Variants in SIAH3 observed in about 807,000 individuals in gnomAD.
The protein encoded by SIAH3 is siah E3 ubiquitin protein ligase family member 3.
A neutral mutation model predicts 12.6 loss-of-function variants in SIAH3; 9 were observed. The ratio of observed to expected loss-of-function variants is 0.72; its 90% CI spans 0.43 to 1.25. The LOEUF is 1.25. SIAH3 is among the 50% of genes most tolerant of loss of function. SIAH3 has a pLI of 0.00. For synonymous variants in SIAH3, 154 were observed against 151.1 expected, an observed-to-expected ratio of 1.02 and a Z score of -0.14; for missense variants, 390 against 365.4, an observed-to-expected ratio of 1.07 and a Z score of -0.55.
At chr13:45,789,931 T>C (rs537696453) in intron 1 of SIAH3, among the ~76,000 whole-genome samples, 2 of 152,304 alleles carry the variant, frequency 1.3e-5, no homozygotes, top group African/African-American at 4.8e-5. Context: ...TTAATCAGCA[T>C]AATAGATGCT....
chr13:45,815,345 A>G (rs1950630613), intron 1 of SIAH3, among the ~76,000 whole-genome samples: 1 of 151,842 alleles, frequency 6.6e-6, no homozygotes, highest in Non-Finnish European at 1.5e-5. Flanking sequence ...GTTGAAGGCT[A>G]AAGAGAAAAC....
chr13:45,792,168 A>G lies in SIAH3; in HGVS notation c.136-8111T>C, dbSNP rs535694956. Reference sequence around the variant, plus strand: ...TCCATCTTCTGGAAGGCAGACCATTAGATGTGAGGTATGGCCAATGGGTGA... The same window carrying G: ...TCCATCTTCTGGAAGGCAGACCATTGGATGTGAGGTATGGCCAATGGGTGA... On this transcript the variant is annotated intron_variant, in intron 1 of 1. Transcript: ENST00000400405. 7.2e-5 allele frequency among the ~76,000 whole-genome samples: 11 copies of G among 152,164 alleles called. 1 individual carries two copies. In the East Asian group the frequency reaches 2.1e-3, roughly 29 times the overall value.
At chr13:45,817,645 A>T (rs1593382623) in intron 1 of SIAH3, among the ~76,000 whole-genome samples, 1 of 158 alleles carries the variant, frequency 6.3e-3, no homozygotes, top group Non-Finnish European at 0.011. Context: ...GAAAGATGTG[A>T]AGGATGCTGG....
At chr13:45,795,263 A>G (rs558958179) in intron 1 of SIAH3, among the ~76,000 whole-genome samples, 13 of 152,306 alleles carry the variant, frequency 8.5e-5, no homozygotes, top group Admixed American at 5.9e-4. Flanking sequence ...TCCCAGAGAT[A>G]CACAAAGAAA....
chr13:45,834,634 T>TG (rs746358841), intron 1 of SIAH3, among the ~76,000 whole-genome samples: 1 of 152,124 alleles, frequency 6.6e-6, no homozygotes, highest in Non-Finnish European at 1.5e-5. Flanking sequence ...TCAGTGTCTG[T>TG]GGGGCATGAC....
chr13:45,785,859 G>A (rs889727713), intron 1 of SIAH3, among the ~76,000 whole-genome samples: 1 of 152,154 alleles, frequency 6.6e-6, no homozygotes, highest in Non-Finnish European at 1.5e-5. Flanking sequence ...TGTGTCTTCA[G>A]CTATGAAGGA....
At chr13:45,838,478 G>A (rs1354106879) in intron 1 of SIAH3, among the ~76,000 whole-genome samples, 1 of 152,156 alleles carries the variant, frequency 6.6e-6, no homozygotes, top group African/African-American at 2.4e-5. Context: ...CTGCTTACAG[G>A]GAGGCTCGCA....
chr13:45,821,450 C>CT (rs1208395768), intron 1 of SIAH3, among the ~76,000 whole-genome samples: 1 of 152,244 alleles, frequency 6.6e-6, no homozygotes, highest in Admixed American at 6.5e-5. Context: ...CCCAATCACA[C>CT]TGTCACATGA....
At chr13:45,789,750 C>A (rs1240582280) in intron 1 of SIAH3, among the ~76,000 whole-genome samples, 2 of 152,100 alleles carry the variant, frequency 1.3e-5, no homozygotes, top group African/African-American at 2.4e-5. Context: ...CCTGTCAATT[C>A]CTGAATCAGG....
chr13:45,815,222 C>A (rs1481883528), intron 1 of SIAH3, among the ~76,000 whole-genome samples: 2 of 151,780 alleles, frequency 1.3e-5, no homozygotes, highest in African/African-American at 4.8e-5. Flanking sequence ...TGGTCAAATG[C>A]TAGGCTAAAT....
intron 1 of SIAH3, among the ~76,000 whole-genome samples, chr13:45,836,902 C>G (rs2087911482): frequency 1.3e-5 from 2 of 152,202 alleles, no homozygotes; most frequent in Admixed American, 1.3e-4. Context: ...TTGCAGACAT[C>G]ACATCTTGCC....
At chr13:45,846,085 T>TTC (rs1491565055) in intron 1 of SIAH3, among the ~76,000 whole-genome samples, 1 of 40,652 alleles carries the variant, frequency 2.5e-5, no homozygotes. Flanking sequence ...ACCTAACTTC[T>TTC]TTTTTTTTTT....
intron 1 of SIAH3, among the ~76,000 whole-genome samples, chr13:45,842,985 C>T (rs945506141): frequency 4.0e-5 from 6 of 148,408 alleles, no homozygotes; most frequent in Non-Finnish European, 7.4e-5. Context: ...CACTCAGGGC[C>T]CACACAGGGG....
chr13:45,806,495 T>TTAC lies in SIAH3; in HGVS notation c.136-22441_136-22439dup, dbSNP rs1419814205. ...AAAACCAAATACCACATGTTCTCAC[T>TTAC]TACAACAGGGAGCTAAACATTGAGT... On this transcript the variant is annotated intron_variant, in intron 1 of 1. Transcript: ENST00000400405. Among the ~76,000 whole-genome samples the TTAC allele has an allele frequency of 2.0e-5, 3 of 152,300 alleles. No individual in the cohort carries two copies. The East Asian group carries it at 5.8e-4, about 29-fold the overall frequency.
At chr13:45,801,480 G>A (rs1488930937) in intron 1 of SIAH3, among the ~76,000 whole-genome samples, 2 of 152,178 alleles carry the variant, frequency 1.3e-5, no homozygotes, top group Non-Finnish European at 2.9e-5. Flanking sequence ...ACGAGAGTAA[G>A]AAAGACGGAA....
intron 1 of SIAH3, among the ~76,000 whole-genome samples, chr13:45,818,991 C>T (rs2137568996): frequency 6.6e-6 from 1 of 152,234 alleles, no homozygotes; most frequent in East Asian, 1.9e-4. Flanking sequence ...CTTAGGTGCT[C>T]ACATTCTAAT....
chr13:45,838,286 G>A (rs1487456882), intron 1 of SIAH3, among the ~76,000 whole-genome samples: 1 of 152,206 alleles, frequency 6.6e-6, no homozygotes, highest in Non-Finnish European at 1.5e-5. Flanking sequence ...TGGGTGGTAA[G>A]TGCCTGGGAG....
Position 45,782,247 on chromosome 13 carries a change from T to C in SIAH3, c.*1136A>G, listed in dbSNP as rs1338875348. 6.6e-6 allele frequency: 1 copy of C among 152,234 alleles called. No homozygotes were observed. The highest frequency in any genetic ancestry group is 2.4e-5 in the African/African-American group (1 of 41,456). 9.4% of individuals were successfully genotyped at this position (152,234 alleles called of 1,614,324 possible). On this transcript the variant is annotated 3_prime_UTR_variant, in exon 2 of 2. Transcript: ENST00000400405. ...CATTCATACTGCAACAGGTGCTGAA[T>C]ACATACTTGAGCCGTGGTCACGTCT...
At chr13:45,784,745 C>T (rs188346503) in intron 1 of SIAH3, among the ~76,000 whole-genome samples, 23 of 152,316 alleles carry the variant, frequency 1.5e-4, no homozygotes, top group Non-Finnish European at 3.2e-4. Context: ...AGAGCCTCAT[C>T]ACCAGGCAGC....
Sources: gnomAD v4.1 joint callset for allele counts (sites outside exome capture counted in the v4.1 genomes callset) on GRCh38, gnomAD v4.1.1 for gene constraint, MANE v1.5 for transcripts, NCBI Gene and HGNC (gene_info 2026-07-23, HGNC 2026-07-21) for gene names.